SEC31A: variants seen among roughly 807,000 people sequenced by gnomAD.
SEC31A encodes protein transport protein Sec31A.
In SEC31A, 70 loss-of-function variants were observed where a neutral mutation model predicts 151.0. The ratio of observed to expected loss-of-function variants is 0.46; its 90% CI spans 0.38 to 0.57. The LOEUF (loss-of-function observed/expected upper bound fraction) is 0.57. Among genes scored for constraint, SEC31A ranks in the 20% least tolerant of loss-of-function variants. SEC31A has a pLI of 0.00. For synonymous variants in SEC31A, 475 were observed against 505.9 expected (o/e 0.94, Z 0.82); for missense variants, 1,330 against 1,471.2 (o/e 0.90, Z 1.57).
In SEC31A at chr4:82,827,360, T is replaced by G; in HGVS notation, c.3291+9A>C. Reference sequence around the variant, plus strand: ...TCTTCCCATTCCACTTCTACAAATTTACTGTTACCTGGAAGGTATTTCCAA... The same window carrying G: ...TCTTCCCATTCCACTTCTACAAATTGACTGTTACCTGGAAGGTATTTCCAA... On this transcript the variant is annotated intron_variant, in intron 24 of 26. Transcript: ENST00000395310. 1 of 1,610,730 alleles carries G rather than the reference T, an allele frequency of 6.2e-7. No individual in the cohort carries two copies. Among genetic ancestry groups the G allele is most frequent in the Non-Finnish European group, 8.5e-7 (1 of 1,177,440 alleles).
chr4:82,839,729 C>T (rs1440741306), intron 22 of SEC31A, among the ~76,000 whole-genome samples: 4 of 152,192 alleles, frequency 2.6e-5, no homozygotes, highest in Non-Finnish European at 5.9e-5. Context: ...ACACTACTAA[C>T]GTGCAAGAGG....
At chr4:82,865,536 GTATATATATATATATATATATATATATA>G (rs55681370) in intron 10 of SEC31A, among the ~76,000 whole-genome samples, 26,274 of 137,202 alleles carry the variant, frequency 0.19, 3,093 homozygotes, top group East Asian at 0.38. Flanking sequence ...AAAAAATGTG[GTATATATATATATATATATATATATATA>G]TATATATATA....
At chr4:82,881,163 T>G (rs566489872) in intron 2 of SEC31A, among the ~76,000 whole-genome samples, 1 of 152,246 alleles carries the variant, frequency 6.6e-6, no homozygotes, top group African/African-American at 2.4e-5. Context: ...AAAATCTCTG[T>G]AAAAATGGTC....
chr4:82,866,387 C>T (rs1437819292), intron 10 of SEC31A, among the ~76,000 whole-genome samples: 6 of 152,092 alleles, frequency 3.9e-5, no homozygotes, highest in African/African-American at 1.4e-4. Context: ...AGGAGAATCG[C>T]TTGAACCAAG....
At chr4:82,831,425 GATC>G (rs1578137976) in intron 22 of SEC31A, 1 of 152,794 alleles carries the variant, frequency 6.5e-6, no homozygotes, top group East Asian at 1.9e-4. Flanking sequence ...ATCAGCTATG[GATC>G]TTGTTAAACC....
intron 19 of SEC31A, among the ~76,000 whole-genome samples, chr4:82,849,613 C>CA (rs5859835): frequency 0.93 from 101,921 of 109,654 alleles, 47,480 homozygotes; most frequent in East Asian, 0.98. Flanking sequence ...GAATCCGTCT[C>CA]AAAAAAAAAA....
intron 23 of SEC31A, 148 bp from the exon 24 acceptor site, chr4:82,827,780 T>C: frequency 1.3e-6 from 1 of 767,204 alleles, no homozygotes; most frequent in Non-Finnish European, 2.1e-6. Context: ...TGAAATTTTA[T>C]GCAGAATAAA....
chr4:82,890,577 G>C (rs1742117431), intron 1 of SEC31A: 1 of 221,258 alleles, frequency 4.5e-6, no homozygotes, highest in Admixed American at 6.5e-5. Flanking sequence ...TCAAAGTACA[G>C]GCTGCGCCTG....
intron 1 of SEC31A, among the ~76,000 whole-genome samples, chr4:82,882,692 A>G (rs992358029): frequency 1.3e-5 from 2 of 152,252 alleles, no homozygotes; most frequent in African/African-American, 4.8e-5. Context: ...AAATTAATTC[A>G]AAGTTACAAC....
intron 22 of SEC31A, among the ~76,000 whole-genome samples, chr4:82,839,447 A>G (rs1728242026): frequency 6.6e-6 from 1 of 151,336 alleles, no homozygotes; most frequent in African/African-American, 2.4e-5. Flanking sequence ...CACCGCGCCC[A>G]GCCTAATTTT....
intron 22 of SEC31A, among the ~76,000 whole-genome samples, chr4:82,832,705 C>T (rs896245352): frequency 2.6e-5 from 4 of 152,086 alleles, no homozygotes; most frequent in Non-Finnish European, 1.5e-5. Context: ...AACATATTTA[C>T]AAGAAAAAAG....
chr4:82,885,593 A>C (rs1740507120), intron 1 of SEC31A, among the ~76,000 whole-genome samples: 1 of 152,128 alleles, frequency 6.6e-6, no homozygotes, highest in Non-Finnish European at 1.5e-5. Context: ...TATCTTTCTC[A>C]GTGTTTACCT....
chr4:82,871,440 A>G (rs1417959387), intron 7 of SEC31A: 2 of 1,474,428 alleles, frequency 1.4e-6, no homozygotes, highest in Admixed American at 2.0e-5. Flanking sequence ...AAGCAAAACA[A>G]TGGATAACAA....
At chr4:82,868,883 TG>T (rs1356133699) in intron 8 of SEC31A, among the ~76,000 whole-genome samples, 1 of 151,966 alleles carries the variant, frequency 6.6e-6, no homozygotes, top group African/African-American at 2.4e-5. Flanking sequence ...GTTGTGGAGA[TG>T]GGGTTTCACC....
At chr4:82,867,448 G>A in intron 8 of SEC31A, 132 bp from the exon 9 acceptor site, 3 of 733,306 alleles carry the variant, frequency 4.1e-6, no homozygotes, top group South Asian at 4.0e-5. Flanking sequence ...TCTTTAGCCA[G>A]GAAAAAGAAT....
intron 20 of SEC31A, among the ~76,000 whole-genome samples, chr4:82,847,004 C>T (rs190277490): frequency 2.6e-5 from 4 of 152,266 alleles, no homozygotes; most frequent in African/African-American, 7.2e-5. Flanking sequence ...CGTGAGCCAC[C>T]GCGCCTGGCC....
Position 82,819,226 on chromosome 4 carries a change from G to A in SEC31A, c.3511C>T (p.His1171Tyr). ...TLSPTITSGL[H>Y]NIARSIETRN... ...GTTTCAATGCTCCTTGCAATGTTGT[G>A]TAAACCACTGGTGATTGTTGGTGAA... Residue 1171 changes from histidine to tyrosine, a missense_variant, in exon 27 of 27, where the codon CAC becomes TAC. Transcript: ENST00000395310. 3.1e-6 allele frequency: 5 copies of A among 1,596,618 alleles called. No individual in the cohort carries two copies. Among genetic ancestry groups the A allele is most frequent in the Non-Finnish European group, 4.3e-6 (5 of 1,172,560 alleles).
Position 82,899,125 on chromosome 4 carries a change from A to T in SEC31A, c.-2+588T>A, listed in dbSNP as rs561949105. Among the ~76,000 whole-genome samples the T allele has an allele frequency of 3.9e-5, 6 of 152,370 alleles. No individual in the cohort carries two copies. The South Asian group carries it at 6.2e-4, about 16-fold the overall frequency. On this transcript the variant is annotated intron_variant, in intron 3 of 28. Transcript: ENST00000355196. ...AGTCACAAAGACCATATATTAGTTC[A>T]TAATTCCACTTACATGAAGTGTACA...
intron 6 of SEC31A, among the ~76,000 whole-genome samples, 195 bp from the exon 7 acceptor site, chr4:82,872,281 C>T (rs1736880340): frequency 6.6e-6 from 1 of 152,154 alleles, no homozygotes; most frequent in Admixed American, 6.5e-5. Context: ...TCCACCTCCC[C>T]CAGGTTCAAG....
Sources: gnomAD v4.1 joint callset for allele counts (sites outside exome capture counted in the v4.1 genomes callset) on GRCh38, gnomAD v4.1.1 for gene constraint, MANE v1.5 for transcripts, NCBI Gene and HGNC (gene_info 2026-07-23, HGNC 2026-07-21) for gene names.